The following AUTS2 variants were observed in gnomAD, a reference collection of about 807,000 sequenced individuals.
The protein encoded by AUTS2 is autism susceptibility gene 2 protein.
AUTS2 carries 17 observed loss-of-function variants against 112.4 expected under a neutral mutation model. The ratio of observed to expected loss-of-function variants is 0.15; its 90% confidence interval spans 0.10 to 0.23. The LOEUF (loss-of-function observed/expected upper bound fraction) is 0.23, where lower values mean the gene tolerates loss of function less well. AUTS2 is among the 10% of genes least tolerant of loss of function. The probability of loss-of-function intolerance (pLI) is 1.00; values close to 1 mark genes in which losing one functional copy is unlikely to be tolerated. For synonymous variants in AUTS2, 751 were observed against 702.7 expected (o/e 1.07, Z -1.09); for missense variants, 1,510 against 1,701.6 (o/e 0.89, Z 1.98).
At chr7:70,399,070 T>C (rs1794215186) in intron 4 of AUTS2, among the ~76,000 whole-genome samples, 1 of 151,244 alleles carries the variant, frequency 6.6e-6, no homozygotes, top group African/African-American at 2.4e-5. Flanking sequence ...CACTGCCTCC[T>C]TGAACTCCTG....
intron 5 of AUTS2, among the ~76,000 whole-genome samples, chr7:70,670,563 G>A (rs1807582600): frequency 6.6e-6 from 1 of 152,158 alleles, no homozygotes; most frequent in African/African-American, 2.4e-5. Flanking sequence ...TAAACTGAGA[G>A]CTAGAAGTGG....
intron 11 of AUTS2, among the ~76,000 whole-genome samples, chr7:70,773,776 GT>G (rs1177692294): frequency 1.3e-5 from 2 of 152,194 alleles, no homozygotes; most frequent in Admixed American, 6.5e-5. Context: ...TTTTGGTCCT[GT>G]GCTTTTTATT....
At chr7:70,457,773 A>G (rs753151352) in intron 5 of AUTS2, among the ~76,000 whole-genome samples, 2 of 152,194 alleles carry the variant, frequency 1.3e-5, no homozygotes, top group African/African-American at 4.8e-5. Context: ...GCAGTTAACT[A>G]TGCTAAACTC....
intron 5 of AUTS2, among the ~76,000 whole-genome samples, chr7:70,509,884 A>G (rs189441672): frequency 4.1e-4 from 63 of 152,352 alleles, no homozygotes; most frequent in African/African-American, 1.4e-3. Flanking sequence ...CTAGTGTGGA[A>G]GAAACACCCT....
intron 1 of AUTS2, among the ~76,000 whole-genome samples, chr7:69,741,866 C>T (rs1183337890): frequency 1.3e-5 from 2 of 151,400 alleles, no homozygotes; most frequent in Admixed American, 1.3e-4. Flanking sequence ...TTCAGTGGTG[C>T]GATATTGGCT....
At chr7:70,583,988 G>A (rs562027596) in intron 5 of AUTS2, among the ~76,000 whole-genome samples, 6 of 152,334 alleles carry the variant, frequency 3.9e-5, no homozygotes, top group South Asian at 2.1e-4. Context: ...AATGCTGCAA[G>A]TGCCTCCATT....
chr7:70,076,196 C>A (rs7794623), intron 2 of AUTS2, among the ~76,000 whole-genome samples: 51,326 of 151,892 alleles, frequency 0.34, 8,906 homozygotes, highest in African/African-American at 0.39. Context: ...GGCGTAAAGA[C>A]GTTTTATTTT....
At chr7:70,754,724 C>A (rs1247900017) in intron 6 of AUTS2, among the ~76,000 whole-genome samples, 1 of 152,116 alleles carries the variant, frequency 6.6e-6, no homozygotes, top group African/African-American at 2.4e-5. Context: ...GAGAAGCTAA[C>A]TGGAAGATGG....
intron 6 of AUTS2, among the ~76,000 whole-genome samples, chr7:70,738,127 G>A (rs1036088064): frequency 1.1e-4 from 17 of 152,040 alleles, no homozygotes; most frequent in African/African-American, 4.1e-4. Flanking sequence ...ATACTTCATG[G>A]GCCCTTCTGC....
In AUTS2 at chr7:69,700,397, G is replaced by T. The variant is rs142704610; in HGVS notation, c.309+100435G>T. ...ACCAAAAAGTTGCAAAGATTACGGG[G>T]ATTTTTTTTTTCTTTTCTTATGCCC... On this transcript the variant is annotated intron_variant, in intron 1 of 18. Coordinates refer to ENST00000342771, the MANE Select transcript of AUTS2 (RefSeq NM_015570.4). Among the ~76,000 whole-genome samples, 295 of 151,988 alleles carry T rather than the reference G, an allele frequency of 1.9e-3. 1 individual carries two copies. The highest frequency in any genetic ancestry group is 6.8e-3 in the African/African-American group (283 of 41,486).
chr7:69,787,297 T>C (rs936409716), intron 1 of AUTS2, among the ~76,000 whole-genome samples: 1 of 152,226 alleles, frequency 6.6e-6, no homozygotes, highest in East Asian at 1.9e-4. Flanking sequence ...GAAAGATGAC[T>C]CTAGAACTTG....
intron 5 of AUTS2, among the ~76,000 whole-genome samples, chr7:70,584,275 T>C (rs889148253): frequency 4.6e-5 from 7 of 152,214 alleles, no homozygotes; most frequent in Non-Finnish European, 8.8e-5. Context: ...GGGTGAAATC[T>C]GGGGAAAAAT....
chr7:70,168,577 T>C (rs1808506720), intron 4 of AUTS2, among the ~76,000 whole-genome samples: 1 of 152,180 alleles, frequency 6.6e-6, no homozygotes. Flanking sequence ...TTGGCTTCCC[T>C]AAGTGCTGGA....
At chr7:70,610,744 G>A (rs1043267770) in intron 5 of AUTS2, among the ~76,000 whole-genome samples, 3 of 152,062 alleles carry the variant, frequency 2.0e-5, no homozygotes, top group South Asian at 2.1e-4. Context: ...TATTAGTGCC[G>A]TTGAGCAGTT....
At chr7:70,174,201 T>G (rs541548608) in intron 4 of AUTS2, among the ~76,000 whole-genome samples, 1 of 152,198 alleles carries the variant, frequency 6.6e-6, no homozygotes, top group African/African-American at 2.4e-5. Flanking sequence ...ATGGAGAAAT[T>G]TTAGGAGTCT....
At position 70,790,650 on chromosome 7, in the gene AUTS2, G is replaced by A. The variant is rs371317370; in HGVS notation, c.3434G>A (p.Arg1145Gln). 120 of 1,612,900 alleles carry A rather than the reference G, an allele frequency of 7.4e-5. No individual in the cohort carries two copies. The highest frequency in any genetic ancestry group is 4.4e-4 in the African/African-American group (33 of 74,974). Residue 1145 changes from arginine (R) to glutamine (Q), a missense_variant, in exon 19 of 19, where the codon CGG (arginine) becomes CAG (glutamine). Arg to Gln is a conservative substitution (Grantham distance 43). Around this residue, in one of 3 missense-constraint regions of AUTS2, gnomAD observed 788 missense variants for 797.6 expected, o/e 0.99. Transcript: ENST00000342771. This position sits in a 1 kb window ranked among gnomAD's most constrained non-coding sequence, Gnocchi z 7.6. ...LSVDPRREHE[R>Q]GGHLDERERL... ...GTGGACCCTCGGCGGGAGCACGAGCGGGGAGGCCACCTGGACGAGCGGGAG... is the reference window on the plus strand; with the variant it reads ...GTGGACCCTCGGCGGGAGCACGAGCAGGGAGGCCACCTGGACGAGCGGGAG...
At chr7:70,155,129 G>A (rs1807673057) in intron 4 of AUTS2, among the ~76,000 whole-genome samples, 1 of 152,112 alleles carries the variant, frequency 6.6e-6, no homozygotes, top group African/African-American at 2.4e-5. Flanking sequence ...ATCTTTGGTG[G>A]CACTGTTATG....
At chr7:69,745,915 C>A (rs574262947) in intron 1 of AUTS2, among the ~76,000 whole-genome samples, 2 of 152,244 alleles carry the variant, frequency 1.3e-5, no homozygotes, top group South Asian at 2.1e-4. Flanking sequence ...ACTCTTTTGC[C>A]CAGGCTGAAA....
intron 1 of AUTS2, among the ~76,000 whole-genome samples, chr7:69,858,786 T>C (rs1229073740): frequency 1.3e-5 from 2 of 152,202 alleles, no homozygotes; most frequent in Non-Finnish European, 2.9e-5. Context: ...GGGCAGTTAC[T>C]AGGCTTGCCT....
Sources: allele counts gnomAD v4.1 joint callset (sites outside exome capture counted in the v4.1 genomes callset), GRCh38; gene constraint gnomAD v4.1.1; regional missense constraint gnomAD v4.1.1; non-coding constraint Gnocchi (gnomAD v3.1); transcripts MANE v1.5; gene names NCBI Gene and HGNC (gene_info 2026-07-23, HGNC 2026-07-21).